Variants in PCNX1 observed in about 807,000 individuals in gnomAD.
The protein encoded by PCNX1 is pecanex 1, also known as pecanex-like protein 1.
A neutral mutation model predicts 242.2 loss-of-function variants in PCNX1; 78 were observed. The ratio of observed to expected loss-of-function variants is 0.32; its 90% confidence interval spans 0.27 to 0.39. The LOEUF is 0.39. Among genes scored for constraint, PCNX1 ranks in the 10% least tolerant of loss-of-function variants. PCNX1 has a pLI of 1.00. For synonymous variants in PCNX1, 1,024 were observed against 1,032.9 expected, an observed-to-expected ratio of 0.99 and a Z score of 0.17; for missense variants, 2,581 against 2,856.5, an observed-to-expected ratio of 0.90 and a Z score of 2.20.
intron 1 of PCNX1, among the ~76,000 whole-genome samples, chr14:70,925,867 G>GT (rs1251736519): frequency 2.0e-5 from 3 of 151,976 alleles, no homozygotes; most frequent in African/African-American, 7.2e-5. Context: ...TGCCCCTGCC[G>GT]TTTTTTCCTT....
At chr14:70,966,583 T>C (rs1720462325) in intron 3 of PCNX1, among the ~76,000 whole-genome samples, 1 of 152,194 alleles carries the variant, frequency 6.6e-6, no homozygotes, top group African/African-American at 2.4e-5. Flanking sequence ...TTCATACACC[T>C]ACCTCTAGAC....
intron 26 of PCNX1, among the ~76,000 whole-genome samples, chr14:71,070,114 C>G (rs951349729): frequency 2.0e-5 from 3 of 152,202 alleles, no homozygotes; most frequent in African/African-American, 7.2e-5. Context: ...GCTTTCTTCT[C>G]AACCATAAGA....
intron 9 of PCNX1, 73 bp from the exon 10 acceptor site, chr14:71,011,419 C>G (rs2059817384): frequency 1.2e-6 from 1 of 827,514 alleles, no homozygotes; most frequent in East Asian, 2.4e-5. Flanking sequence ...ATATGTGAAT[C>G]TCATCTGAAT....
At chr14:71,019,629 T>C (rs2060045405) in intron 12 of PCNX1, among the ~76,000 whole-genome samples, 1 of 152,196 alleles carries the variant, frequency 6.6e-6, no homozygotes, top group Non-Finnish European at 1.5e-5. Flanking sequence ...CTCAAACTCC[T>C]GACCTCGTGA....
At chr14:71,070,576 G>C (rs1422772390) in intron 26 of PCNX1, among the ~76,000 whole-genome samples, 1 of 152,220 alleles carries the variant, frequency 6.6e-6, no homozygotes, top group African/African-American at 2.4e-5. Context: ...TGGGTGATCA[G>C]GTGCATTGTC....
At chr14:71,043,643 T>C (rs2060777016) in intron 19 of PCNX1, among the ~76,000 whole-genome samples, 1 of 152,164 alleles carries the variant, frequency 6.6e-6, no homozygotes, top group African/African-American at 2.4e-5. Flanking sequence ...ATTTTATTTG[T>C]TGAATTCTTC....
At chr14:70,946,844 TAC>T (rs886830125) in intron 1 of PCNX1, 69 bp from the exon 2 acceptor site, 3 of 1,070,724 alleles carry the variant, frequency 2.8e-6, no homozygotes, top group African/African-American at 3.2e-5. Flanking sequence ...TTATTTTAGA[TAC>T]AGATTTATCT....
chr14:70,950,307 A>G (rs979733439), intron 2 of PCNX1, among the ~76,000 whole-genome samples: 1 of 152,148 alleles, frequency 6.6e-6, no homozygotes, highest in African/African-American at 2.4e-5. Flanking sequence ...TCTGGCAATG[A>G]TAGGTACTCA....
chr14:70,976,557 T>G (rs1254812715), intron 5 of PCNX1, among the ~76,000 whole-genome samples: 2 of 152,208 alleles, frequency 1.3e-5, no homozygotes, highest in East Asian at 3.9e-4. Context: ...GTATTTTTAG[T>G]AGAGACGGAG....
At position 71,112,152 on chromosome 14, in the gene PCNX1, A is replaced by G. The variant is rs1179152413; in HGVS notation, c.*2217A>G. 1 of 152,458 alleles carries G rather than the reference A, an allele frequency of 6.6e-6. No homozygotes were observed. Among genetic ancestry groups the G allele is most frequent in the Non-Finnish European group, 1.5e-5 (1 of 67,934 alleles). 9.4% of individuals were successfully genotyped at this position (152,458 alleles called of 1,614,324 possible). A position where few individuals can be genotyped will look rare whatever the true frequency, so the allele number is the denominator to read the frequency against. The stretch of plus-strand genomic sequence containing the variant: ...GCCTTTTCAATCTTAGATGGAAGAT[A>G]ATTCATTTTCCCACACAGAAAAAAA... On this transcript the variant is annotated 3_prime_UTR_variant, in exon 36 of 36. Coordinates refer to ENST00000304743, the MANE Select transcript of PCNX1 (RefSeq NM_014982.3).
In PCNX1 at chr14:71,006,280, G is replaced by T. The variant is rs77174477; in HGVS notation, c.2630-3354G>T. Among the ~76,000 whole-genome samples the T allele has an allele frequency of 7.9e-5, 12 of 152,050 alleles. No homozygotes were observed. In the South Asian group the frequency reaches 2.5e-3, roughly 32 times the overall value. ...GAGATTTACTGGCATGAGCTACTGCGCCTGGCATATCAGCTTTTTGTGTAT... is the reference window on the plus strand; with the variant it reads ...GAGATTTACTGGCATGAGCTACTGCTCCTGGCATATCAGCTTTTTGTGTAT... On this transcript the variant is annotated intron_variant, in intron 8 of 35. Coordinates refer to ENST00000304743, the MANE Select transcript of PCNX1 (RefSeq NM_014982.3).
intron 1 of PCNX1, among the ~76,000 whole-genome samples, chr14:70,922,315 C>T (rs1435752097): frequency 6.6e-6 from 1 of 151,994 alleles, no homozygotes; most frequent in South Asian, 2.1e-4. Context: ...TTTAAAAAAT[C>T]TTTAATAGGT....
Position 71,049,053 on chromosome 14 carries a change from A to G in PCNX1, c.4338+1069A>G, listed in dbSNP as rs565492950. The G allele has an allele frequency of 3.2e-4, 305 of 952,362 alleles. 2 individuals are homozygous for G. In the South Asian group the frequency reaches 3.3e-3, roughly 10 times the overall value. 59.0% of individuals were successfully genotyped at this position (952,362 alleles called of 1,614,324 possible). A position where few individuals can be genotyped will look rare whatever the true frequency, so the allele number is the denominator to read the frequency against. ...TAATCAGAGAATTGTATAAAGAAGC[A>G]TGTGGTTTCCCACAAACTCAAATAT... On this transcript the variant is annotated intron_variant, in intron 22 of 35. Transcript: ENST00000304743.
rs778211685 is a variant in PCNX1, at chr14:70,978,676, G to A, written c.2311+28G>A. ...AAGTAAACTGTAAGAAGAGATTTCTGTAAGACTCACTGCTTTTTCATACTA... is the reference window on the plus strand; with the variant it reads ...AAGTAAACTGTAAGAAGAGATTTCTATAAGACTCACTGCTTTTTCATACTA... On this transcript the variant is annotated intron_variant, in intron 6 of 35. Coordinates refer to ENST00000304743, the MANE Select transcript of PCNX1 (RefSeq NM_014982.3). The A allele has an allele frequency of 3.2e-6, 5 of 1,563,900 alleles. No individual in the cohort carries two copies. The African/African-American group carries it at 6.8e-5, about 21-fold the overall frequency.
chr14:70,970,223 G>A (rs945514818), intron 5 of PCNX1, among the ~76,000 whole-genome samples: 2 of 151,746 alleles, frequency 1.3e-5, no homozygotes, highest in Non-Finnish European at 2.9e-5. Context: ...AAATTTACCC[G>A]GGCATGATGG....
intron 16 of PCNX1, chr14:71,032,057 AAAG>A: frequency 2.8e-6 from 2 of 721,774 alleles, no homozygotes; most frequent in South Asian, 3.1e-5. Context: ...ATTAATAGAC[AAAG>A]AAGAAGAGAG....
intron 28 of PCNX1, among the ~76,000 whole-genome samples, chr14:71,088,121 A>C (rs901358630): frequency 6.6e-6 from 1 of 152,118 alleles, no homozygotes; most frequent in Non-Finnish European, 1.5e-5. Context: ...TTCCGTTATT[A>C]TGAAATTTTA....
At chr14:70,913,117 C>T (rs1268762459) in intron 1 of PCNX1, among the ~76,000 whole-genome samples, 1 of 152,162 alleles carries the variant, frequency 6.6e-6, no homozygotes, top group Non-Finnish European at 1.5e-5. Context: ...CACTTCCATA[C>T]CTTGTAAGTT....
intron 8 of PCNX1, among the ~76,000 whole-genome samples, chr14:71,001,317 A>G (rs1362897570): frequency 6.6e-6 from 1 of 152,148 alleles, no homozygotes; most frequent in Non-Finnish European, 1.5e-5. Flanking sequence ...AGGGGAATAT[A>G]CATTTTTGGG....
Sources: allele counts gnomAD v4.1 joint callset (sites outside exome capture counted in the v4.1 genomes callset), GRCh38; gene constraint gnomAD v4.1.1; transcripts MANE v1.5; gene names NCBI Gene and HGNC (gene_info 2026-07-23, HGNC 2026-07-21).